Variants in PTPRD observed in about 807,000 individuals in gnomAD.
PTPRD encodes the protein protein tyrosine phosphatase receptor type D.
Under a neutral mutation model 214.5 loss-of-function variants are expected in PTPRD, and 34 were observed. The observed-to-expected ratio is 0.16, with a 90% CI of 0.12 to 0.21. The LOEUF (loss-of-function observed/expected upper bound fraction) is 0.21, where lower values mean the gene tolerates loss of function less well. PTPRD is among the 10% of genes least tolerant of loss of function. PTPRD has a pLI of 1.00. For synonymous variants in PTPRD, 1,128 were observed against 845.7 expected, an observed-to-expected ratio of 1.33 and a Z score of -5.79; for missense variants, 2,545 against 2,398.7, an observed-to-expected ratio of 1.06 and a Z score of -1.27.
At chr9:9,601,872 G>A (rs952405277) in intron 7 of PTPRD, among the ~76,000 whole-genome samples, 6 of 151,968 alleles carry the variant, frequency 3.9e-5, no homozygotes, top group African/African-American at 1.4e-4. Context: ...GGGCTAAAGA[G>A]GATTTAAAGT....
intron 2 of PTPRD, among the ~76,000 whole-genome samples, chr9:10,404,180 GTAAT>G (rs1400575930): frequency 6.6e-6 from 1 of 151,730 alleles, no homozygotes; most frequent in Non-Finnish European, 1.5e-5. Context: ...AAAATTTAAA[GTAAT>G]AAATAAATAA....
intron 2 of PTPRD, among the ~76,000 whole-genome samples, chr9:10,369,153 A>G (rs1321716925): frequency 6.6e-6 from 1 of 152,114 alleles, no homozygotes; most frequent in African/African-American, 2.4e-5. Flanking sequence ...ACTAGCTAAT[A>G]AAACTTATGC....
intron 2 of PTPRD, among the ~76,000 whole-genome samples, chr9:10,408,531 T>A (rs548461079): frequency 6.6e-6 from 1 of 151,838 alleles, no homozygotes; most frequent in African/African-American, 2.4e-5. Flanking sequence ...TGGTATTTTT[T>A]AGGCTGATTT....
intron 37 of PTPRD, among the ~76,000 whole-genome samples, chr9:8,385,287 G>A (rs977408977): frequency 6.6e-6 from 1 of 152,178 alleles, no homozygotes; most frequent in African/African-American, 2.4e-5. Flanking sequence ...AACACTTTGG[G>A]GGGCCAAGGT....
At chr9:9,906,861 A>G (rs1330647051) in intron 5 of PTPRD, among the ~76,000 whole-genome samples, 1 of 152,006 alleles carries the variant, frequency 6.6e-6, no homozygotes, top group Non-Finnish European at 1.5e-5. Flanking sequence ...TTCTGAATAA[A>G]AAATCTTGAT....
intron 14 of PTPRD, among the ~76,000 whole-genome samples, chr9:8,590,766 C>G (rs1238923836): frequency 6.6e-6 from 1 of 152,118 alleles, no homozygotes; most frequent in Non-Finnish European, 1.5e-5. Context: ...CAGCTACAAA[C>G]CAAACAGAAT....
chr9:8,831,209 A>G (rs2097282926), intron 11 of PTPRD, among the ~76,000 whole-genome samples: 1 of 152,098 alleles, frequency 6.6e-6, no homozygotes, highest in African/African-American at 2.4e-5. Context: ...CCCCTCCAAA[A>G]CTGTCATGAA....
At chr9:9,397,158 A>G (rs914974495) in intron 9 of PTPRD, among the ~76,000 whole-genome samples, 22 of 151,996 alleles carry the variant, frequency 1.4e-4, no homozygotes, top group African/African-American at 5.3e-4. Flanking sequence ...CTACTAAAAG[A>G]GTAACTAACA....
rs961614955 is a variant in PTPRD at position 9,866,203 on chromosome 9, T to G, written c.-368+72304A>C. ...CCTAGACTGTTTTTAATGTTAGTAA[T>G]TTGTACTACACACTTTAGAATCTGC... On this transcript the variant is annotated intron_variant, in intron 5 of 45. Coordinates refer to ENST00000381196, the MANE Select transcript of PTPRD (RefSeq NM_002839.4). 2.6e-5 allele frequency among the ~76,000 whole-genome samples: 4 copies of G among 152,244 alleles called. No individual in the cohort carries two copies. In the South Asian group the frequency reaches 8.3e-4, roughly 31 times the overall value.
intron 3 of PTPRD, among the ~76,000 whole-genome samples, chr9:10,257,529 G>A (rs923368072): frequency 1.3e-5 from 2 of 152,176 alleles, no homozygotes; most frequent in Non-Finnish European, 2.9e-5. Flanking sequence ...AAAGAGTAAT[G>A]ATAAGAATAT....
intron 2 of PTPRD, among the ~76,000 whole-genome samples, chr9:10,407,432 T>G (rs1169229231): frequency 1.3e-5 from 2 of 151,564 alleles, no homozygotes; most frequent in Non-Finnish European, 3.0e-5. Flanking sequence ...ATTCTAAGTA[T>G]GAGATTTTGA....
intron 31 of PTPRD, 61 bp from the exon 32 acceptor site, chr9:8,465,736 A>G: frequency 7.1e-7 from 1 of 1,407,686 alleles, no homozygotes; most frequent in African/African-American, 1.4e-5. Context: ...CTTATTGATA[A>G]TTTAATGAGA....
chr9:9,066,712 A>G (rs999458451), intron 10 of PTPRD, among the ~76,000 whole-genome samples: 1 of 152,172 alleles, frequency 6.6e-6, no homozygotes, highest in Non-Finnish European at 1.5e-5. Context: ...CAGGACCACA[A>G]AGGCAGAGAT....
At chr9:8,775,255 G>A (rs573351829) in intron 11 of PTPRD, among the ~76,000 whole-genome samples, 1 of 152,166 alleles carries the variant, frequency 6.6e-6, no homozygotes, top group South Asian at 2.1e-4. Flanking sequence ...GATATGGTCT[G>A]TTTAAGCTTT....
intron 10 of PTPRD, among the ~76,000 whole-genome samples, chr9:9,055,822 T>A (rs1359137643): frequency 1.3e-5 from 2 of 149,808 alleles, no homozygotes; most frequent in African/African-American, 4.9e-5. Flanking sequence ...AAATATTTAA[T>A]ATATTTAATG....
At chr9:9,235,972 G>T (rs1369586550) in intron 9 of PTPRD, among the ~76,000 whole-genome samples, 1 of 152,152 alleles carries the variant, frequency 6.6e-6, no homozygotes, top group Non-Finnish European at 1.5e-5. Flanking sequence ...TATTTAAAAA[G>T]AGCAAAATTG....
intron 2 of PTPRD, among the ~76,000 whole-genome samples, chr9:10,463,790 C>T (rs924370391): frequency 6.6e-6 from 1 of 151,938 alleles, no homozygotes; most frequent in East Asian, 1.9e-4. Context: ...AGGTGTGATC[C>T]AAGAACTCTG....
At chr9:8,947,971 A>G (rs1018341221) in intron 11 of PTPRD, among the ~76,000 whole-genome samples, 1 of 150,952 alleles carries the variant, frequency 6.6e-6, no homozygotes, top group South Asian at 2.1e-4. Flanking sequence ...AACATCATAC[A>G]CTAGTAAGTT....
intron 3 of PTPRD, among the ~76,000 whole-genome samples, chr9:10,122,734 T>A (rs1423504880): frequency 6.6e-6 from 1 of 152,160 alleles, no homozygotes. Flanking sequence ...TAGACAGGTA[T>A]TTACAAATAT....
Sources: gnomAD v4.1 joint callset for allele counts (sites outside exome capture counted in the v4.1 genomes callset) on GRCh38, gnomAD v4.1.1 for gene constraint, MANE v1.5 for transcripts, NCBI Gene and HGNC (gene_info 2026-07-23, HGNC 2026-07-21) for gene names.